The following UGGT2 variants were observed in gnomAD, a reference collection of about 807,000 sequenced individuals.
UGGT2 encodes the protein UDP-glucose:glycoprotein glucosyltransferase 2.
Under a neutral mutation model 192.1 loss-of-function variants are expected in UGGT2, and 180 were observed. The ratio of observed to expected loss-of-function variants is 0.94; its 90% confidence interval spans 0.83 to 1.06. The LOEUF (loss-of-function observed/expected upper bound fraction) is 1.06. Among genes scored for constraint, UGGT2 ranks in the 50% least tolerant of loss-of-function variants. The pLI is 0.00. For synonymous variants in UGGT2, 580 were observed against 591.0 expected (o/e 0.98, Z 0.27); for missense variants, 1,849 against 1,795.7 (o/e 1.03, Z -0.54).
At chr13:95,938,356 C>T (rs2049538703) in intron 16 of UGGT2, among the ~76,000 whole-genome samples, 1 of 152,178 alleles carries the variant, frequency 6.6e-6, no homozygotes, top group Non-Finnish European at 1.5e-5. Context: ...GACTAAATAA[C>T]TCATTTGCTA....
chr13:95,878,436 TAAGA>T (rs1338422435), intron 27 of UGGT2, among the ~76,000 whole-genome samples: 3 of 152,174 alleles, frequency 2.0e-5, no homozygotes, highest in African/African-American at 7.2e-5. Flanking sequence ...ATTTTTTTTG[TAAGA>T]AAGTAACCTG....
At chr13:95,859,831 T>C (rs746574480) in intron 32 of UGGT2, 156 bp from the exon 33 acceptor site, 11 of 486,660 alleles carry the variant, frequency 2.3e-5, no homozygotes, top group African/African-American at 1.0e-4. Context: ...GTTTGTTACA[T>C]AGGTCTTTTA....
intron 15 of UGGT2, among the ~76,000 whole-genome samples, chr13:95,944,786 CTGAT>C (rs1209341905): frequency 1.3e-5 from 2 of 151,900 alleles, no homozygotes; most frequent in African/African-American, 4.8e-5. Flanking sequence ...ATCTCATTCT[CTGAT>C]TGTTGGATAT....
intron 38 of UGGT2, among the ~76,000 whole-genome samples, chr13:95,813,676 T>C (rs759016535): frequency 6.6e-6 from 1 of 152,182 alleles, no homozygotes; most frequent in African/African-American, 2.4e-5. Flanking sequence ...GATATTCGCA[T>C]AACCAAAAGT....
intron 17 of UGGT2, among the ~76,000 whole-genome samples, chr13:95,933,464 T>A (rs1352979649): frequency 6.6e-6 from 1 of 152,212 alleles, no homozygotes; most frequent in Non-Finnish European, 1.5e-5. Context: ...TTTCTGTTAA[T>A]CTAGCTAGTG....
intron 36 of UGGT2, among the ~76,000 whole-genome samples, chr13:95,837,405 C>A (rs1170123232): frequency 6.6e-6 from 1 of 152,148 alleles, no homozygotes; most frequent in South Asian, 2.1e-4. Context: ...CTGGAATATA[C>A]CTACATCTCT....
At chr13:96,031,414 C>A (rs1308932022) in intron 2 of UGGT2, among the ~76,000 whole-genome samples, 1 of 152,166 alleles carries the variant, frequency 6.6e-6, no homozygotes, top group Non-Finnish European at 1.5e-5. Context: ...AAGTGATCCT[C>A]CACCTCAGTC....
intron 10 of UGGT2, among the ~76,000 whole-genome samples, chr13:95,978,843 T>C (rs2051024700): frequency 6.6e-6 from 1 of 152,218 alleles, no homozygotes; most frequent in South Asian, 2.1e-4. Flanking sequence ...GATTTACAGA[T>C]GTAGTTTTGA....
intron 38 of UGGT2, among the ~76,000 whole-genome samples, chr13:95,830,811 A>C (rs1458571370): frequency 6.6e-6 from 1 of 152,246 alleles, no homozygotes; most frequent in African/African-American, 2.4e-5. Flanking sequence ...TCATGCTGCT[A>C]TAAAGACACA....
At chr13:95,855,158 G>A (rs1320523516) in intron 34 of UGGT2, among the ~76,000 whole-genome samples, 1 of 146,928 alleles carries the variant, frequency 6.8e-6, no homozygotes, top group East Asian at 2.0e-4. Flanking sequence ...GTGGTGGTGT[G>A]CACCTGGAGT....
intron 5 of UGGT2, among the ~76,000 whole-genome samples, chr13:96,012,066 A>C (rs2052178604): frequency 6.6e-6 from 1 of 152,120 alleles, no homozygotes; most frequent in East Asian, 1.9e-4. Context: ...TATATTTTAA[A>C]GCTACAGCAA....
intron 10 of UGGT2, among the ~76,000 whole-genome samples, chr13:95,981,929 T>C (rs1332986103): frequency 1.3e-5 from 2 of 152,222 alleles, no homozygotes; most frequent in Admixed American, 6.5e-5. Flanking sequence ...ATTAGTTACA[T>C]GAAAGACATT....
chr13:95,886,021 A>G (rs1430340857), intron 26 of UGGT2, among the ~76,000 whole-genome samples: 2 of 152,180 alleles, frequency 1.3e-5, no homozygotes, highest in East Asian at 1.9e-4. Context: ...TAAGGACTGA[A>G]TGAAAAAAGC....
At chr13:95,923,947 G>GA (rs1456666726) in intron 20 of UGGT2, among the ~76,000 whole-genome samples, 3 of 151,996 alleles carry the variant, frequency 2.0e-5, no homozygotes, top group Admixed American at 6.6e-5. Context: ...TAAATAACCA[G>GA]AAAAAATGTA....
intron 38 of UGGT2, among the ~76,000 whole-genome samples, chr13:95,815,783 G>A (rs1051660601): frequency 2.6e-5 from 4 of 152,142 alleles, no homozygotes; most frequent in Non-Finnish European, 5.9e-5. Flanking sequence ...TAAGCACAAC[G>A]ATATGGTTTG....
chr13:95,990,962 G>C (rs1338634518), intron 7 of UGGT2: 1 of 152,290 alleles, frequency 6.6e-6, no homozygotes, highest in Non-Finnish European at 1.5e-5. Flanking sequence ...TTTTGAGTAA[G>C]AACATGTGGT....
Position 95,854,311 on chromosome 13 carries a change from T to C in UGGT2, c.4169+4A>G, listed in dbSNP as rs1003417033. The C allele has an allele frequency of 2.2e-5, 35 of 1,608,336 alleles. No individual in the cohort carries two copies. The highest frequency in any genetic ancestry group is 2.9e-5 in the Non-Finnish European group (34 of 1,178,100). On this transcript the variant is annotated splice_donor_region_variant and intron_variant, in intron 35 of 38. Transcript: ENST00000376747. ...CTAAATGGTAAGGGTCTGACTTTTC[T>C]TACCTGATATGGTATTTCCGTCTTA...
chr13:95,867,337 A>G lies in UGGT2; in HGVS notation c.3558+2T>C. 1 of 1,603,050 alleles carries G rather than the reference A, an allele frequency of 6.2e-7. No individual in the cohort carries two copies. Among genetic ancestry groups the G allele is most frequent in the Non-Finnish European group, 8.5e-7 (1 of 1,175,918 alleles). ...CCTATAAAAAGTTCTGCCCCCACAT[A>G]CTTTTACTTTGAGTATCTTGCTTTT... On this transcript the variant is annotated splice_donor_variant, in intron 30 of 38. Coordinates refer to ENST00000376747, the MANE Select transcript of UGGT2 (RefSeq NM_020121.4). LOFTEE classifies it high-confidence loss of function.
chr13:95,993,304 G>A (rs181840140), intron 7 of UGGT2, among the ~76,000 whole-genome samples: 1 of 152,262 alleles, frequency 6.6e-6, no homozygotes, highest in African/African-American at 2.4e-5. Flanking sequence ...CTACCTGGGT[G>A]ATGGGATCAT....
Sources: allele counts gnomAD v4.1 joint callset (sites outside exome capture counted in the v4.1 genomes callset), GRCh38; gene constraint gnomAD v4.1.1; transcripts MANE v1.5; gene names NCBI Gene and HGNC (gene_info 2026-07-23, HGNC 2026-07-21).